The following PTK2 variants were observed in gnomAD, a reference collection of about 807,000 sequenced individuals.
PTK2 encodes protein tyrosine kinase 2, also known as focal adhesion kinase 1.
Under a neutral mutation model 150.1 loss-of-function variants are expected in PTK2, and 45 were observed. That is an observed-to-expected ratio of 0.30 (90% CI 0.24 to 0.38). The LOEUF (loss-of-function observed/expected upper bound fraction) is 0.38, where lower values mean the gene tolerates loss of function less well. PTK2 is among the 10% of genes least tolerant of loss of function. PTK2 has a pLI of 1.00. For synonymous variants in PTK2, 432 were observed against 449.2 expected (o/e 0.96, Z 0.48); for missense variants, 919 against 1,307.3 (o/e 0.70, Z 4.58).
chr8:140,884,816 T>C (rs1600561376), intron 3 of PTK2, among the ~76,000 whole-genome samples: 1 of 152,206 alleles, frequency 6.6e-6, no homozygotes, highest in Non-Finnish European at 1.5e-5. Flanking sequence ...CACTACCAGC[T>C]TGGTAACAGT....
intron 12 of PTK2, among the ~76,000 whole-genome samples, chr8:140,798,945 T>C (rs1023360372): frequency 1.2e-4 from 18 of 152,224 alleles, no homozygotes; most frequent in Admixed American, 1.0e-3. Context: ...AGAGTAACTG[T>C]AGAGATTTCT....
At chr8:140,981,644 C>T (rs781364357) in intron 1 of PTK2, among the ~76,000 whole-genome samples, 1 of 152,208 alleles carries the variant, frequency 6.6e-6, no homozygotes, top group African/African-American at 2.4e-5. Context: ...CAATGTTTCA[C>T]GGCATGTGAA....
chr8:140,709,291 C>A (rs2100035488), intron 23 of PTK2, among the ~76,000 whole-genome samples: 1 of 152,144 alleles, frequency 6.6e-6, no homozygotes, highest in South Asian at 2.1e-4. Context: ...GATGCAAAGA[C>A]TTAACTGGGT....
At chr8:140,856,299 G>T (rs1478684056) in intron 5 of PTK2, among the ~76,000 whole-genome samples, 1 of 152,102 alleles carries the variant, frequency 6.6e-6, no homozygotes, top group Non-Finnish European at 1.5e-5. Flanking sequence ...CATTTAACAT[G>T]AAAGTCCCAG....
chr8:140,790,807 T>C (rs1384476250), intron 13 of PTK2, among the ~76,000 whole-genome samples: 2 of 152,254 alleles, frequency 1.3e-5, no homozygotes, highest in South Asian at 2.1e-4. Flanking sequence ...TTCTCTTCCA[T>C]TGCGCTACAT....
intron 14 of PTK2, among the ~76,000 whole-genome samples, chr8:140,775,195 A>G (rs1028260312): frequency 1.3e-5 from 2 of 152,164 alleles, no homozygotes; most frequent in East Asian, 3.9e-4. Context: ...ATTCAATGTA[A>G]AAGTGGGAAC....
intron 23 of PTK2, among the ~76,000 whole-genome samples, chr8:140,712,369 GA>G (rs891828875): frequency 3.3e-5 from 5 of 152,058 alleles, no homozygotes; most frequent in East Asian, 3.9e-4. Flanking sequence ...TATATGAGGG[GA>G]AAAAAAGTAA....
chr8:140,863,812 A>G (rs2100137694), intron 5 of PTK2, among the ~76,000 whole-genome samples: 2 of 152,254 alleles, frequency 1.3e-5, no homozygotes, highest in Non-Finnish European at 2.9e-5. Context: ...TAGTTAATAA[A>G]TATTTTTATT....
At chr8:140,877,025 C>CTTTTATTTT (rs2100145954) in intron 4 of PTK2, among the ~76,000 whole-genome samples, 2 of 71,828 alleles carry the variant, frequency 2.8e-5, no homozygotes, top group African/African-American at 1.2e-4. Flanking sequence ...TTCACTAATC[C>CTTTTATTTT]TTTTTTTTTT....
chr8:140,827,735 A>C (rs1235521387), intron 8 of PTK2, among the ~76,000 whole-genome samples: 1 of 152,196 alleles, frequency 6.6e-6, no homozygotes, highest in Non-Finnish European at 1.5e-5. Flanking sequence ...GGATTTACCA[A>C]ATGTTACTAC....
chr8:140,721,169 AC>A (rs1397403447), intron 22 of PTK2, among the ~76,000 whole-genome samples: 2 of 152,044 alleles, frequency 1.3e-5, no homozygotes, highest in Admixed American at 1.3e-4. Context: ...ACAGGCTTAC[AC>A]CATATGCCTG....
intron 10 of PTK2, among the ~76,000 whole-genome samples, chr8:140,816,341 A>AT (rs1359733783): frequency 6.6e-6 from 1 of 152,222 alleles, no homozygotes; most frequent in African/African-American, 2.4e-5. Context: ...CTGAAACACA[A>AT]TATCAAAAAA....
At chr8:140,678,774 G>C (rs572091827) in intron 27 of PTK2, among the ~76,000 whole-genome samples, 1 of 152,052 alleles carries the variant, frequency 6.6e-6, no homozygotes, top group African/African-American at 2.4e-5. Context: ...AGGGCAAACC[G>C]AATGTGTGAG....
At chr8:140,816,383 A>T (rs2100104741) in intron 10 of PTK2, among the ~76,000 whole-genome samples, 1 of 152,238 alleles carries the variant, frequency 6.6e-6, no homozygotes, top group Non-Finnish European at 1.5e-5. Context: ...ACAAAAATTT[A>T]TTCTGTTTTC....
At chr8:140,888,209 T>G (rs1020911881) in intron 3 of PTK2, among the ~76,000 whole-genome samples, 1 of 152,254 alleles carries the variant, frequency 6.6e-6, no homozygotes, top group African/African-American at 2.4e-5. Flanking sequence ...ATAATGTTCC[T>G]TTGTCTGATA....
At chr8:140,694,645 A>G (rs1459328503) in intron 26 of PTK2, among the ~76,000 whole-genome samples, 3 of 152,216 alleles carry the variant, frequency 2.0e-5, no homozygotes, top group Admixed American at 2.0e-4. Flanking sequence ...GGTTGCAAGG[A>G]CACAGACCAA....
At chr8:140,825,785 C>T (rs2100111432) in intron 8 of PTK2, among the ~76,000 whole-genome samples, 1 of 152,182 alleles carries the variant, frequency 6.6e-6, no homozygotes, top group African/African-American at 2.4e-5. Flanking sequence ...GCTTCTGGGT[C>T]TTATCTTTCA....
At chr8:140,881,343 G>A (rs1485083217) in intron 3 of PTK2, among the ~76,000 whole-genome samples, 1 of 152,206 alleles carries the variant, frequency 6.6e-6, no homozygotes, top group Non-Finnish European at 1.5e-5. Context: ...AGTGACTTCT[G>A]CAGCTTCTTG....
intron 26 of PTK2, among the ~76,000 whole-genome samples, chr8:140,698,010 T>C (rs993667760): frequency 9.9e-5 from 15 of 151,950 alleles, no homozygotes; most frequent in South Asian, 8.3e-4. Context: ...TTTGACTCCA[T>C]GTCATTACCC....
Sources: gnomAD v4.1 joint callset for allele counts (sites outside exome capture counted in the v4.1 genomes callset) on GRCh38, gnomAD v4.1.1 for gene constraint, MANE v1.5 for transcripts, NCBI Gene and HGNC (gene_info 2026-07-23, HGNC 2026-07-21) for gene names.